DNAH7: variants seen among roughly 807,000 people sequenced by gnomAD.
The protein encoded by DNAH7 is dynein axonemal heavy chain 7, also known as axonemal beta dynein heavy chain 7.
DNAH7 carries 397 observed loss-of-function variants against 444.6 expected under a neutral mutation model. That is an observed-to-expected ratio of 0.89 (90% CI 0.82 to 0.97). The LOEUF (loss-of-function observed/expected upper bound fraction) is 0.97. DNAH7 is among the 50% of genes least tolerant of loss of function. The probability of loss-of-function intolerance (pLI) is 0.00; values close to 1 mark genes in which losing one functional copy is unlikely to be tolerated. For missense variants in DNAH7, 4,902 were observed against 4,800.8 expected (o/e 1.02, Z -0.62); for synonymous variants, 1,636 against 1,624.4 (o/e 1.01, Z -0.17).
chr2:196,059,491 G>T (rs1431790966), intron 1 of DNAH7, among the ~76,000 whole-genome samples: 1 of 152,148 alleles, frequency 6.6e-6, no homozygotes, highest in African/African-American at 2.4e-5. Context: ...TTTCTCCTTT[G>T]ACAACCAGCA....
chr2:196,014,383 T>C (rs1694890635), intron 9 of DNAH7, among the ~76,000 whole-genome samples: 2 of 152,140 alleles, frequency 1.3e-5, no homozygotes, highest in African/African-American at 2.4e-5. Flanking sequence ...TTTCTATTAG[T>C]AGAACCGAAC....
intron 24 of DNAH7, among the ~76,000 whole-genome samples, chr2:195,915,636 CTCCA>C (rs1444400262): frequency 1.3e-5 from 2 of 152,182 alleles, no homozygotes; most frequent in Non-Finnish European, 2.9e-5. Flanking sequence ...TAATTTCTCA[CTCCA>C]TCCATATTGT....
In DNAH7 at chr2:195,911,776, G is replaced by A. The variant is rs376612146; in HGVS notation, c.3936-1581C>T. 2.6e-5 allele frequency among the ~76,000 whole-genome samples: 4 copies of A among 152,242 alleles called. No individual in the cohort carries two copies. In the East Asian group the frequency reaches 5.8e-4, roughly 22 times the overall value. ...TAATAACTGAGCAAAGACACACAAA[G>A]AAGCATTTTTAGACAAAGACTGATA... is the stretch of plus-strand genomic sequence containing the variant. On this transcript the variant is annotated intron_variant, in intron 24 of 64. Coordinates refer to ENST00000312428, the MANE Select transcript of DNAH7 (RefSeq NM_018897.3).
At chr2:195,975,450 G>A (rs954760141) in intron 15 of DNAH7, among the ~76,000 whole-genome samples, 7 of 152,134 alleles carry the variant, frequency 4.6e-5, no homozygotes, top group Admixed American at 1.3e-4. Context: ...TGCCACCATG[G>A]GCTAAAGTGT....
intron 27 of DNAH7, among the ~76,000 whole-genome samples, chr2:195,906,311 A>G (rs1367673139): frequency 6.6e-6 from 1 of 152,036 alleles, no homozygotes; most frequent in African/African-American, 2.4e-5. Context: ...AGCTTTAAAA[A>G]TTGTTTTCTA....
chr2:195,766,054 A>G (rs1694561399), intron 61 of DNAH7, among the ~76,000 whole-genome samples: 1 of 152,036 alleles, frequency 6.6e-6, no homozygotes, highest in Admixed American at 6.6e-5. Flanking sequence ...AAAAAGAATG[A>G]GATCCTGTCA....
chr2:195,864,869 T>G lies in DNAH7; in HGVS notation c.6786A>C (p.Ala2262=). 1 of 1,614,146 alleles carries G rather than the reference T, an allele frequency of 6.2e-7. No individual in the cohort carries two copies. Among genetic ancestry groups the G allele is most frequent in the Non-Finnish European group, 8.5e-7 (1 of 1,180,030 alleles). ...LDFDNDGMVE[A]DDLRSLMFCD... ...AAAACATTAAGCTGCGTAAGTCATCTGCTTCCACCATGCCATCATTATCAA... is the reference window on the plus strand; with the variant it reads ...AAAACATTAAGCTGCGTAAGTCATCGGCTTCCACCATGCCATCATTATCAA... The change falls in exon 41 of 65, where the codon GCA becomes GCC. Residue 2262 remains alanine (A), a synonymous_variant. Coordinates refer to ENST00000312428, the MANE Select transcript of DNAH7 (RefSeq NM_018897.3).
intron 51 of DNAH7, among the ~76,000 whole-genome samples, chr2:195,814,809 C>T (rs577096334): frequency 5.9e-5 from 9 of 151,754 alleles, no homozygotes; most frequent in Non-Finnish European, 1.0e-4. Context: ...GGCACAATCA[C>T]GACTCACTGC....
At chr2:196,065,732 C>G (rs1698393129) in intron 1 of DNAH7, among the ~76,000 whole-genome samples, 1 of 152,224 alleles carries the variant, frequency 6.6e-6, no homozygotes, top group Non-Finnish European at 1.5e-5. Flanking sequence ...TTCCAAGCGT[C>G]TAGCACTCAT....
intron 29 of DNAH7, among the ~76,000 whole-genome samples, chr2:195,896,358 T>C (rs1352933919): frequency 6.6e-6 from 1 of 151,756 alleles, no homozygotes; most frequent in Admixed American, 6.6e-5. Flanking sequence ...TTTCAAAGAG[T>C]AGTTTTTTTT....
At chr2:195,999,103 C>G in intron 12 of DNAH7, 1 of 717,196 alleles carries the variant, frequency 1.4e-6, no homozygotes, top group Non-Finnish European at 2.6e-6. Flanking sequence ...TAATTGGCAT[C>G]TCCATGTAAA....
chr2:195,905,660 A>T (rs1686968156), intron 27 of DNAH7: 1 of 152,162 alleles, frequency 6.6e-6, no homozygotes, highest in African/African-American at 2.4e-5. Context: ...AATTCATCAG[A>T]AAAGGATATA....
chr2:195,816,721 A>G lies in DNAH7; in HGVS notation c.9668T>C (p.Ile3223Thr), dbSNP rs1192356592. ...LFFSLADLAN[I>T]EPMYQYSLTW... ...CAGTGAATACTGGTACATGGGCTCA[A>G]TGTTGGCTAAATCAGCAAGAGAAAA... Residue 3223 changes from isoleucine to threonine, a missense_variant, in exon 51 of 65, where the codon ATT becomes ACT. Ile to Thr is a moderately conservative substitution (Grantham distance 89). Coordinates refer to ENST00000312428, the MANE Select transcript of DNAH7 (RefSeq NM_018897.3). The G allele has an allele frequency of 1.1e-5, 17 of 1,614,172 alleles. No homozygotes were observed. The highest frequency in any genetic ancestry group is 3.3e-5 in the South Asian group (3 of 91,082).
intron 2 of DNAH7, among the ~76,000 whole-genome samples, chr2:196,055,299 C>T (rs1370272706): frequency 6.6e-6 from 1 of 152,162 alleles, no homozygotes; most frequent in Admixed American, 6.5e-5. Flanking sequence ...GCCATGATCA[C>T]ACCACTGCAC....
chr2:195,864,881 G>A lies in DNAH7; in HGVS notation c.6774C>T (p.Gly2258=), dbSNP rs1469051510. Residue 2258 remains glycine (G), a synonymous_variant, in exon 41 of 65, where the codon GGC becomes GGT. Transcript: ENST00000312428. ...TGCGTAAGTCATCTGCTTCCACCAT[G>A]CCATCATTATCAAAATCCAAACGCT... is the stretch of plus-strand genomic sequence containing the variant. ...LFQRLDFDND[G]MVEADDLRSL... 1.2e-6 allele frequency: 2 copies of A among 1,613,862 alleles called. No homozygotes were observed. The highest frequency in any genetic ancestry group is 1.7e-6 in the Non-Finnish European group (2 of 1,180,018).
intron 20 of DNAH7, 128 bp from the exon 21 acceptor site, chr2:195,934,917 AC>A: frequency 1.0e-6 from 1 of 979,696 alleles, no homozygotes; most frequent in Non-Finnish European, 1.5e-6. Context: ...AAAACCGGAA[AC>A]CCCCAAAACA....
intron 63 of DNAH7, among the ~76,000 whole-genome samples, chr2:195,745,480 A>G (rs528459121): frequency 4.3e-4 from 66 of 152,324 alleles, no homozygotes; most frequent in Admixed American, 1.2e-3. Context: ...GCAGGCCAAC[A>G]TTCAGATTCA....
intron 19 of DNAH7, among the ~76,000 whole-genome samples, chr2:195,950,213 C>T (rs1690126483): frequency 6.6e-6 from 1 of 151,796 alleles, no homozygotes; most frequent in African/African-American, 2.4e-5. Flanking sequence ...TGGTAGAATT[C>T]GGCTGTGAAT....
At chr2:196,044,627 T>C (rs1486593742) in intron 5 of DNAH7, among the ~76,000 whole-genome samples, 1 of 152,184 alleles carries the variant, frequency 6.6e-6, no homozygotes, top group Non-Finnish European at 1.5e-5. Context: ...TTAATATTTT[T>C]CAATCTATAA....
Sources: allele counts gnomAD v4.1 joint callset (sites outside exome capture counted in the v4.1 genomes callset), GRCh38; gene constraint gnomAD v4.1.1; transcripts MANE v1.5; gene names NCBI Gene and HGNC (gene_info 2026-07-23, HGNC 2026-07-21).